The following NAMPT variants were observed in gnomAD, a reference collection of about 807,000 sequenced individuals.
The protein encoded by NAMPT is nicotinamide phosphoribosyltransferase.
NAMPT carries 7 observed loss-of-function variants against 58.7 expected under a neutral mutation model. The ratio of observed to expected loss-of-function variants is 0.12; its 90% CI spans 0.07 to 0.22. The LOEUF is 0.22. Among genes scored for constraint, NAMPT ranks in the 10% least tolerant of loss-of-function variants. The pLI, the probability that NAMPT is intolerant of heterozygous loss-of-function variation, is 1.00. For missense variants in NAMPT, 271 were observed against 567.9 expected, an observed-to-expected ratio of 0.48 and a Z score of 5.31; for synonymous variants, 145 against 198.1, an observed-to-expected ratio of 0.73 and a Z score of 2.25.
In NAMPT at chr7:106,249,958, T is replaced by C. The variant is rs528589691; in HGVS notation, c.*1125A>G. On this transcript the variant is annotated 3_prime_UTR_variant, in exon 11 of 11. Coordinates refer to ENST00000222553, the MANE Select transcript of NAMPT (RefSeq NM_005746.3). Reference sequence around the variant, plus strand: ...ATTGAAACACATGTCATGCTTTTCATTGGAGATAATTTATCTTCATTTAAG... The same window carrying C: ...ATTGAAACACATGTCATGCTTTTCACTGGAGATAATTTATCTTCATTTAAG... 6.6e-6 allele frequency: 1 copy of C among 152,202 alleles called. No individual in the cohort carries two copies. The highest frequency in any genetic ancestry group is 2.1e-4 in the South Asian group (1 of 4,830). 9.4% of individuals were successfully genotyped at this position (152,202 alleles called of 1,614,324 possible).
At chr7:106,257,418 G>C (rs1201095498) in intron 8 of NAMPT, among the ~76,000 whole-genome samples, 1 of 147,532 alleles carries the variant, frequency 6.8e-6, no homozygotes, top group South Asian at 2.1e-4. Flanking sequence ...AGTTGAGACT[G>C]TTTCCCAGAC....
chr7:106,260,608 C>T (rs116317873), intron 8 of NAMPT, among the ~76,000 whole-genome samples: 1,560 of 152,306 alleles, frequency 0.01, 21 homozygotes, highest in African/African-American at 0.036. Context: ...CCTTAAGAGG[C>T]CTATTTTAGC....
At chr7:106,258,409 A>G (rs996178459) in intron 8 of NAMPT, among the ~76,000 whole-genome samples, 4 of 152,358 alleles carry the variant, frequency 2.6e-5, no homozygotes, top group African/African-American at 9.6e-5. Context: ...AGCTGTAGAT[A>G]CCATCTGAGA....
At chr7:106,260,903 C>A (rs575933655) in intron 8 of NAMPT, among the ~76,000 whole-genome samples, 1 of 152,264 alleles carries the variant, frequency 6.6e-6, no homozygotes, top group African/African-American at 2.4e-5. Context: ...ACAGTAGTAA[C>A]ATCGAAGATC....
chr7:106,253,325 T>G, intron 9 of NAMPT, 174 bp from the exon 10 acceptor site: 1 of 629,556 alleles, frequency 1.6e-6, no homozygotes, highest in Non-Finnish European at 2.7e-6. Context: ...TAGCCTGTTT[T>G]GAAGGATAGT....
intron 6 of NAMPT, among the ~76,000 whole-genome samples, chr7:106,265,133 A>G (rs1792386195): frequency 6.6e-6 from 1 of 152,148 alleles, no homozygotes; most frequent in Non-Finnish European, 1.5e-5. Flanking sequence ...ATATGACTGA[A>G]GAGAAGCTCC....
At chr7:106,277,527 T>C (rs1232687208) in intron 1 of NAMPT, among the ~76,000 whole-genome samples, 1 of 152,164 alleles carries the variant, frequency 6.6e-6, no homozygotes, top group Middle Eastern at 3.2e-3. Flanking sequence ...CAGAAAGGAA[T>C]GAACTGAAAG....
chr7:106,267,877 C>CAAAAAAAA (rs1792456550), intron 6 of NAMPT, among the ~76,000 whole-genome samples: 1 of 56,790 alleles, frequency 1.8e-5, no homozygotes, highest in Admixed American at 2.1e-4. Context: ...AAAAAAAAAA[C>CAAAAAAAA]AACCTGATTT....
At chr7:106,283,725 G>A (rs777705835) in intron 1 of NAMPT, among the ~76,000 whole-genome samples, 1 of 151,848 alleles carries the variant, frequency 6.6e-6, no homozygotes, top group African/African-American at 2.4e-5. Context: ...TCGATTTCAA[G>A]AACCTATCTA....
At chr7:106,271,556 A>C (rs949053168) in intron 4 of NAMPT, among the ~76,000 whole-genome samples, 34 of 152,192 alleles carry the variant, frequency 2.2e-4, no homozygotes, top group African/African-American at 7.0e-4. Flanking sequence ...TAGTTTTAGT[A>C]TACGGTATAG....
At chr7:106,274,616 A>G (rs948342342) in intron 3 of NAMPT, among the ~76,000 whole-genome samples, 1 of 152,170 alleles carries the variant, frequency 6.6e-6, no homozygotes, top group Admixed American at 6.5e-5. Flanking sequence ...GCACTTTGGG[A>G]GGCCAAGGTG....
chr7:106,274,174 C>CTATACAGT (rs1265957571), intron 3 of NAMPT, among the ~76,000 whole-genome samples: 2 of 151,264 alleles, frequency 1.3e-5, no homozygotes, highest in Non-Finnish European at 2.9e-5. Context: ...GCCATTCTCA[C>CTATACAGT]TATACAGTGA....
At chr7:106,272,015 C>A in intron 4 of NAMPT, 2 of 288,534 alleles carry the variant, frequency 6.9e-6, no homozygotes, top group Non-Finnish European at 7.1e-6. Flanking sequence ...AAAATGTACC[C>A]TTCCTGAGAA....
chr7:106,276,977 T>TTAAAAAAGAACTCCTAAAGGAGG, intron 2 of NAMPT, 46 bp downstream of exon 2: 1 of 1,427,774 alleles, frequency 7.0e-7, no homozygotes, highest in Non-Finnish European at 9.8e-7. Flanking sequence ...CCTAAAGGAG[T>TTAAAAAAGAACTCCTAAAGGAGG]TAAGAGTAAT....
intron 1 of NAMPT, among the ~76,000 whole-genome samples, chr7:106,278,319 G>A (rs1270075395): frequency 6.6e-6 from 1 of 151,778 alleles, no homozygotes; most frequent in East Asian, 1.9e-4. Context: ...TAGCATACTT[G>A]CAACTCTATA....
intron 1 of NAMPT, among the ~76,000 whole-genome samples, chr7:106,279,431 G>T (rs1792717711): frequency 6.6e-6 from 1 of 151,906 alleles, no homozygotes; most frequent in Admixed American, 6.6e-5. Flanking sequence ...ACTTATAGGG[G>T]TATATGTACA....
chr7:106,269,693 C>T (rs1233788188), intron 4 of NAMPT, among the ~76,000 whole-genome samples: 1 of 152,158 alleles, frequency 6.6e-6, no homozygotes, highest in Non-Finnish European at 1.5e-5. Context: ...GATGTTGAGG[C>T]AATGTCAAAT....
At chr7:106,285,121 A>T, upstream of NAMPT, 9 of 1,312,036 alleles carry the variant, frequency 6.9e-6, no homozygotes, top group Non-Finnish European at 8.8e-6. Flanking sequence ...GCTCTGGCGG[A>T]CTCCCCACCT....
At chr7:106,273,856 AT>A (rs1287750454) in intron 3 of NAMPT, among the ~76,000 whole-genome samples, 1 of 152,076 alleles carries the variant, frequency 6.6e-6, no homozygotes, top group African/African-American at 2.4e-5. Flanking sequence ...ACCAAATAGT[AT>A]AGCTCAGTAT....
Sources: gnomAD v4.1 joint callset for allele counts (sites outside exome capture counted in the v4.1 genomes callset) on GRCh38, gnomAD v4.1.1 for gene constraint, MANE v1.5 for transcripts, NCBI Gene and HGNC (gene_info 2026-07-23, HGNC 2026-07-21) for gene names.